The following LRRC7 variants were observed in gnomAD, a reference collection of about 807,000 sequenced individuals.
LRRC7 encodes the protein leucine rich repeat containing 7.
In LRRC7, 23 loss-of-function variants were observed where a neutral mutation model predicts 175.7. That is an observed-to-expected ratio of 0.13 (90% CI 0.09 to 0.19). The LOEUF (loss-of-function observed/expected upper bound fraction) is 0.19. LRRC7 is among the 10% of genes least tolerant of loss of function. The pLI, the probability that LRRC7 is intolerant of heterozygous loss-of-function variation, is 1.00. For synonymous variants in LRRC7, 685 were observed against 680.9 expected (o/e 1.01, Z -0.09); for missense variants, 1,354 against 1,904.7 (o/e 0.71, Z 5.38).
rs112678826 is a variant in LRRC7 at position 69,963,305 on chromosome 1, C to CAAA, written c.712-17062_712-17060dup. On this transcript the variant is annotated intron_variant, in intron 8 of 26. Coordinates refer to ENST00000651989, the MANE Select transcript of LRRC7 (RefSeq NM_001370785.2). ...TGGGTGACAGAGCAAGACACCGTCT[C>CAAA]AAAAAAAAAAAAAAGAAAGAAAGAA... is the stretch of plus-strand genomic sequence containing the variant. 2.3e-3 allele frequency among the ~76,000 whole-genome samples: 242 copies of CAAA among 106,254 alleles called. 1 individual carries two copies. Among genetic ancestry groups the CAAA allele is most frequent in the African/African-American group, 7.3e-3 (228 of 31,310 alleles). The allele number at this position is 106,254 out of a possible 152,430, so 69.7% of individuals were successfully genotyped here.
intron 23 of LRRC7, among the ~76,000 whole-genome samples, chr1:70,066,475 G>A (rs923250567): frequency 1.3e-5 from 2 of 151,950 alleles, no homozygotes; most frequent in African/African-American, 4.8e-5. Context: ...TATGTAAATA[G>A]GGTCTGTATG....
At chr1:70,077,679 C>A (rs1571257807) in intron 24 of LRRC7, among the ~76,000 whole-genome samples, 1 of 152,074 alleles carries the variant, frequency 6.6e-6, no homozygotes, top group African/African-American at 2.4e-5. Context: ...ATTCTGAACA[C>A]CCAAAATTTA....
At position 70,043,670 on chromosome 1, in the gene LRRC7, C is replaced by T. The variant is rs538718323; in HGVS notation, c.3970-284C>T. Among the ~76,000 whole-genome samples the T allele has an allele frequency of 1.4e-3, 216 of 152,236 alleles. No homozygotes were observed. In the Middle Eastern group the frequency reaches 0.017, roughly 12 times the overall value. On this transcript the variant is annotated intron_variant, in intron 21 of 26. Coordinates refer to ENST00000651989, the MANE Select transcript of LRRC7 (RefSeq NM_001370785.2). ...TACTTGTCCAAAGTCACTACTATCA[C>T]GATGTATAAGAGACAGAATTTATGA...
At chr1:70,118,975 T>C (rs7532840) in intron 26 of LRRC7, among the ~76,000 whole-genome samples, 11 of 152,084 alleles carry the variant, frequency 7.2e-5, no homozygotes, top group Non-Finnish European at 4.4e-5. Context: ...AGCCCCTCTA[T>C]GTAAGTTTAT....
chr1:69,961,928 G>A (rs925932901), intron 8 of LRRC7, among the ~76,000 whole-genome samples: 7 of 152,048 alleles, frequency 4.6e-5, no homozygotes, highest in Admixed American at 2.6e-4. Flanking sequence ...ATAGGCATGG[G>A]CAAAGATTTC....
Position 70,143,497 on chromosome 1 carries a change from A to G in LRRC7, c.*21610A>G, listed in dbSNP as rs971219504. 1 of 152,180 alleles carries G rather than the reference A, an allele frequency of 6.6e-6. No homozygotes were observed. The highest frequency in any genetic ancestry group is 2.4e-5 in the African/African-American group (1 of 41,450). The allele number at this position is 152,180 out of a possible 1,614,324, so 9.4% of individuals were successfully genotyped here. A position where few individuals can be genotyped will look rare whatever the true frequency, so the allele number is the denominator to read the frequency against. On this transcript the variant is annotated 3_prime_UTR_variant, in exon 27 of 27. Coordinates refer to ENST00000651989, the MANE Select transcript of LRRC7 (RefSeq NM_001370785.2). ...TATTAATGCATGCATTTCACTGCAT[A>G]GTTTATTGACACTACCCTTGTAAAG... is the stretch of plus-strand genomic sequence containing the variant.
At chr1:69,605,696 G>A (rs1262033375) in intron 1 of LRRC7, among the ~76,000 whole-genome samples, 2 of 152,114 alleles carry the variant, frequency 1.3e-5, no homozygotes, top group Non-Finnish European at 2.9e-5. Flanking sequence ...TAGAAAAGGA[G>A]ACATTTCATT....
intron 2 of LRRC7, among the ~76,000 whole-genome samples, chr1:69,725,853 C>T (rs1029011757): frequency 1.3e-5 from 2 of 152,198 alleles, no homozygotes; most frequent in African/African-American, 4.8e-5. Flanking sequence ...TTTCTGTGCC[C>T]TGAGTGTTCC....
rs199517924 is a variant in LRRC7, at chr1:69,624,075, CAT to C, written c.3-54302_3-54301del. On this transcript the variant is annotated intron_variant, in intron 1 of 26. Coordinates refer to ENST00000651989, the MANE Select transcript of LRRC7 (RefSeq NM_001370785.2). ...TGTAGAATGGCTGAAAAATAAAAAA[CAT>C]ATACTCAACTCCAGGAGATGACGCC... 2.4e-3 allele frequency among the ~76,000 whole-genome samples: 368 copies of C among 152,198 alleles called. 1 individual carries two copies. Among genetic ancestry groups the C allele is most frequent in the African/African-American group, 8.6e-3 (359 of 41,528 alleles).
chr1:69,826,888 G>A (rs1310053530), intron 5 of LRRC7, among the ~76,000 whole-genome samples: 1 of 152,112 alleles, frequency 6.6e-6, no homozygotes, highest in Non-Finnish European at 1.5e-5. Context: ...CTCTATGGAT[G>A]ATGGGAAGAG....
At chr1:70,008,382 T>G (rs1656184652) in intron 11 of LRRC7, among the ~76,000 whole-genome samples, 1 of 152,204 alleles carries the variant, frequency 6.6e-6, no homozygotes. Flanking sequence ...CTCAATCCAA[T>G]CAAGTTCACA....
chr1:69,698,054 G>A (rs1662844024), intron 2 of LRRC7, among the ~76,000 whole-genome samples: 1 of 152,316 alleles, frequency 6.6e-6, no homozygotes, highest in Middle Eastern at 3.4e-3. Flanking sequence ...AAAAAATGGG[G>A]CAAGAGTTCA....
At chr1:69,683,209 CT>C (rs528650978) in intron 2 of LRRC7, among the ~76,000 whole-genome samples, 388 of 152,186 alleles carry the variant, frequency 2.5e-3, no homozygotes, top group African/African-American at 9.0e-3. Flanking sequence ...TCATACATTT[CT>C]TCCCCTTTTC....
At chr1:69,889,118 C>G (rs1304771253) in intron 7 of LRRC7, among the ~76,000 whole-genome samples, 1 of 152,168 alleles carries the variant, frequency 6.6e-6, no homozygotes, top group Non-Finnish European at 1.5e-5. Context: ...TAACAATCTT[C>G]TGATGCTTCA....
At chr1:69,796,116 C>T (rs1375149297) in intron 4 of LRRC7, among the ~76,000 whole-genome samples, 1 of 108,810 alleles carries the variant, frequency 9.2e-6, no homozygotes, top group African/African-American at 3.4e-5. Context: ...CCCCCCTCCC[C>T]CCTCCCCCCA....
intron 26 of LRRC7, among the ~76,000 whole-genome samples, chr1:70,116,888 A>T (rs1282984087): frequency 6.6e-6 from 1 of 152,192 alleles, no homozygotes; most frequent in African/African-American, 2.4e-5. Flanking sequence ...CACAATGAGG[A>T]TTATCTGAGA....
At chr1:69,712,134 TATCTCATA>T (rs1664818881) in intron 2 of LRRC7, among the ~76,000 whole-genome samples, 1 of 152,084 alleles carries the variant, frequency 6.6e-6, no homozygotes, top group Admixed American at 6.6e-5. Context: ...ATATATAAGT[TATCTCATA>T]AAGTCGTTTA....
intron 7 of LRRC7, among the ~76,000 whole-genome samples, chr1:69,930,935 G>A (rs116770069): frequency 8.6e-5 from 13 of 151,558 alleles, no homozygotes; most frequent in African/African-American, 2.7e-4. Context: ...CTCAGTATAC[G>A]ATTATGGGGA....
intron 13 of LRRC7, among the ~76,000 whole-genome samples, chr1:70,014,622 A>T (rs1340680754): frequency 6.6e-6 from 1 of 152,056 alleles, no homozygotes; most frequent in Non-Finnish European, 1.5e-5. Context: ...GGCCAAAGTT[A>T]AATATTACCA....
Sources: allele counts gnomAD v4.1 joint callset (sites outside exome capture counted in the v4.1 genomes callset), GRCh38; gene constraint gnomAD v4.1.1; transcripts MANE v1.5; gene names NCBI Gene and HGNC (gene_info 2026-07-23, HGNC 2026-07-21).